CRACD: variants seen among roughly 807,000 people sequenced by gnomAD.
The protein encoded by CRACD is capping protein inhibiting regulator of actin dynamics.
In CRACD, 56 loss-of-function variants were observed where a neutral mutation model predicts 106.8. That is an observed-to-expected ratio of 0.52 (90% CI 0.42 to 0.66). The LOEUF is 0.66. CRACD is among the 30% of genes least tolerant of loss of function. The pLI is 0.00. For missense variants in CRACD, 1,730 were observed against 1,623.2 expected, an observed-to-expected ratio of 1.07 and a Z score of -1.13; for synonymous variants, 754 against 670.8, an observed-to-expected ratio of 1.12 and a Z score of -1.92.
At chr4:56,063,886 G>T (rs1732371016) in intron 1 of CRACD, among the ~76,000 whole-genome samples, 1 of 152,142 alleles carries the variant, frequency 6.6e-6, no homozygotes, top group African/African-American at 2.4e-5. Context: ...GGATCAAATT[G>T]TAATTTTATG....
At chr4:56,301,044 C>T (rs1253368068) in intron 4 of CRACD, among the ~76,000 whole-genome samples, 5 of 152,142 alleles carry the variant, frequency 3.3e-5, no homozygotes, top group Middle Eastern at 3.2e-3. Context: ...GTTTTGCTTC[C>T]GCTGCATGGA....
chr4:56,290,711 T>C (rs1743656458), intron 3 of CRACD, among the ~76,000 whole-genome samples: 1 of 152,104 alleles, frequency 6.6e-6, no homozygotes, highest in South Asian at 2.1e-4. Flanking sequence ...AATGTAGAAA[T>C]GACAGTTAAA....
chr4:56,298,473 G>A, intron 4 of CRACD, 124 bp downstream of exon 4: 1 of 1,136,866 alleles, frequency 8.8e-7, no homozygotes, highest in East Asian at 2.4e-5. Context: ...CTCCTGGTGA[G>A]AATTATTGCT....
chr4:56,117,903 C>T (rs1197547852), intron 1 of CRACD, among the ~76,000 whole-genome samples: 3 of 151,958 alleles, frequency 2.0e-5, no homozygotes, highest in Admixed American at 6.6e-5. Context: ...GGATTACAGG[C>T]GCCTGCCACC....
intron 1 of CRACD, among the ~76,000 whole-genome samples, chr4:56,098,631 A>G (rs1055736358): frequency 1.6e-4 from 25 of 152,352 alleles, no homozygotes; most frequent in Non-Finnish European, 1.5e-4. Flanking sequence ...AAGTGCCAAC[A>G]GGATAATTCC....
intron 2 of CRACD, among the ~76,000 whole-genome samples, chr4:56,205,114 C>T (rs1738058006): frequency 6.6e-6 from 1 of 152,128 alleles, no homozygotes; most frequent in Non-Finnish European, 1.5e-5. Flanking sequence ...TATGATCACA[C>T]CACTGCACTC....
chr4:56,296,373 T>A (rs980866659), intron 3 of CRACD, among the ~76,000 whole-genome samples: 13 of 152,110 alleles, frequency 8.5e-5, no homozygotes, highest in Admixed American at 6.6e-5. Context: ...TTATAATAAT[T>A]ATTATTATTG....
At chr4:56,300,427 G>T (rs1365319025) in intron 4 of CRACD, among the ~76,000 whole-genome samples, 3 of 152,178 alleles carry the variant, frequency 2.0e-5, no homozygotes, top group African/African-American at 7.2e-5. Flanking sequence ...TCCATTCTTG[G>T]TTCTAGCTGG....
intron 3 of CRACD, among the ~76,000 whole-genome samples, chr4:56,292,477 T>A (rs1230844800): frequency 6.6e-6 from 1 of 150,664 alleles, no homozygotes; most frequent in Admixed American, 6.6e-5. Context: ...GTTTGAAGCC[T>A]TCAAGAAGAT....
At chr4:56,210,078 TGAGAACGTGTTTCCA>T (rs1456076055) in intron 2 of CRACD, among the ~76,000 whole-genome samples, 1 of 152,170 alleles carries the variant, frequency 6.6e-6, no homozygotes, top group Non-Finnish European at 1.5e-5. Context: ...GTTGAGGCAC[TGAGAACGTGTTTCCA>T]GACTTCACCA....
intron 1 of CRACD, among the ~76,000 whole-genome samples, chr4:56,171,206 T>A (rs978114091): frequency 1.4e-4 from 21 of 151,952 alleles, no homozygotes; most frequent in Non-Finnish European, 2.5e-4. Flanking sequence ...ACTGCACATG[T>A]ATAAATATGT....
chr4:56,066,164 T>G (rs1438042594), intron 1 of CRACD, among the ~76,000 whole-genome samples: 1 of 152,220 alleles, frequency 6.6e-6, no homozygotes, highest in African/African-American at 2.4e-5. Flanking sequence ...GTTCTGAGGA[T>G]GCTCCCAGGA....
At chr4:56,209,844 C>G (rs901818286) in intron 2 of CRACD, among the ~76,000 whole-genome samples, 5 of 152,128 alleles carry the variant, frequency 3.3e-5, no homozygotes, top group African/African-American at 9.7e-5. Flanking sequence ...AATGTCTTTT[C>G]CAGTCCTCCT....
At chr4:56,245,449 C>A (rs1375617694) in intron 2 of CRACD, among the ~76,000 whole-genome samples, 1 of 152,182 alleles carries the variant, frequency 6.6e-6, no homozygotes, top group Admixed American at 6.5e-5. Context: ...CGAAAGCAAA[C>A]AAATGCAGAA....
intron 2 of CRACD, among the ~76,000 whole-genome samples, chr4:56,244,278 G>T (rs1057446862): frequency 1.3e-5 from 2 of 151,898 alleles, no homozygotes; most frequent in Admixed American, 6.6e-5. Context: ...TAATGAGGGG[G>T]CCTGGAAGGG....
intron 4 of CRACD, among the ~76,000 whole-genome samples, chr4:56,302,505 G>A (rs926223766): frequency 2.0e-4 from 30 of 152,294 alleles, no homozygotes; most frequent in African/African-American, 6.7e-4. Flanking sequence ...ATCTCCCACC[G>A]AGCTGGATTT....
chr4:56,201,761 T>C (rs1199156866), intron 2 of CRACD, among the ~76,000 whole-genome samples: 1 of 152,224 alleles, frequency 6.6e-6, no homozygotes, highest in Non-Finnish European at 1.5e-5. Flanking sequence ...TTTTGGCAAG[T>C]GGATACCCAT....
rs1425944250 is a variant in CRACD at position 56,232,736 on chromosome 4, A to ATTTATTTATTTT, written c.-188-39582_-188-39581insATTTATTTTTTT. 8.6e-5 allele frequency among the ~76,000 whole-genome samples: 13 copies of ATTTATTTATTTT among 150,294 alleles called. No homozygotes were observed. The East Asian group carries it at 2.1e-3, about 25-fold the overall frequency. On this transcript the variant is annotated intron_variant, in intron 2 of 10. Transcript: ENST00000682029. The stretch of plus-strand genomic sequence containing the variant: ...TATTTATTTATTTATTTATTTATTT[A>ATTTATTTATTTT]TTTTTTGAGATGGAGTCTCACTCTG...
At chr4:56,092,012 G>A (rs1243266565) in intron 1 of CRACD, among the ~76,000 whole-genome samples, 1 of 152,134 alleles carries the variant, frequency 6.6e-6, no homozygotes, top group Non-Finnish European at 1.5e-5. Context: ...GTAAGACCTT[G>A]TCTCTATAAA....
Sources: allele counts gnomAD v4.1 joint callset (sites outside exome capture counted in the v4.1 genomes callset), GRCh38; gene constraint gnomAD v4.1.1; transcripts MANE v1.5; gene names NCBI Gene and HGNC (gene_info 2026-07-23, HGNC 2026-07-21).